AOX1: variants seen among roughly 807,000 people sequenced by gnomAD.
AOX1 encodes the protein aldehyde oxidase.
A neutral mutation model predicts 169.5 loss-of-function variants in AOX1; 153 were observed. The observed-to-expected ratio is 0.90, with a 90% confidence interval of 0.79 to 1.03. The LOEUF is 1.03. AOX1 is among the 50% of genes least tolerant of loss of function. The probability of loss-of-function intolerance (pLI) is 0.00; values close to 1 mark genes in which losing one functional copy is unlikely to be tolerated. For missense variants in AOX1, 1,656 were observed against 1,663.9 expected, an observed-to-expected ratio of 1.00 and a Z score of 0.08; for synonymous variants, 562 against 581.9, an observed-to-expected ratio of 0.97 and a Z score of 0.49.
chr2:200,595,138 A>T (rs190955836), intron 2 of AOX1, 134 bp from the exon 3 acceptor site: 2 of 491,054 alleles, frequency 4.1e-6, no homozygotes, highest in East Asian at 6.7e-5. Context: ...TAAGACATAA[A>T]CACATTATTT....
At chr2:200,594,042 A>G (rs1286666451) in intron 2 of AOX1, among the ~76,000 whole-genome samples, 2 of 152,192 alleles carry the variant, frequency 1.3e-5, no homozygotes, top group Non-Finnish European at 2.9e-5. Context: ...CAGGATGTGG[A>G]CACCAAAAAT....
At chr2:200,641,259 A>C in intron 24 of AOX1, 75 bp downstream of exon 24, 1 of 1,002,228 alleles carries the variant, frequency 1.0e-6, no homozygotes, top group Non-Finnish European at 1.6e-6. Context: ...GAAAATGCCC[A>C]ATAGTTAAGT....
At position 200,642,685 on chromosome 2, in the gene AOX1, A is replaced by C; in HGVS notation, c.2731A>C (p.Arg911=). Residue 911 remains arginine (R), a synonymous_variant, in exon 25 of 35, where the codon AGA becomes CGA. Transcript: ENST00000374700. The stretch of plus-strand genomic sequence containing the variant: ...TCTCCGCTGCCGGGGTTGGGCATGC[A>C]GAACCAACCTTCCATCCAACACAGC... ...PNLRCRGWAC[R]TNLPSNTAFR... 6.2e-7 allele frequency: 1 copy of C among 1,614,172 alleles called. No individual in the cohort carries two copies. Among genetic ancestry groups the C allele is most frequent in the Non-Finnish European group, 8.5e-7 (1 of 1,180,016 alleles).
At position 200,627,099 on chromosome 2, in the gene AOX1, A is replaced by T. The variant is rs139649816; in HGVS notation, c.2125-254A>T. ...TGGAAAATACTAGTTTCATTCTGGGATCACTTAGATGCCAGTTTTTTTCTG... is the reference window on the plus strand; with the variant it reads ...TGGAAAATACTAGTTTCATTCTGGGTTCACTTAGATGCCAGTTTTTTTCTG... On this transcript the variant is annotated intron_variant, in intron 19 of 34. Transcript: ENST00000374700. Among the ~76,000 whole-genome samples, 380 of 152,296 alleles carry T rather than the reference A, an allele frequency of 2.5e-3. 10 individuals carry two copies. The East Asian group carries it at 0.055, about 22-fold the overall frequency.
At chr2:200,647,349 T>C (rs1219966941) in intron 25 of AOX1, among the ~76,000 whole-genome samples, 1 of 152,216 alleles carries the variant, frequency 6.6e-6, no homozygotes, top group Non-Finnish European at 1.5e-5. Context: ...TATGTGATGC[T>C]TAGTTTCACT....
intron 18 of AOX1, among the ~76,000 whole-genome samples, 170 bp downstream of exon 18, chr2:200,621,416 T>G (rs918561462): frequency 3.3e-5 from 5 of 152,238 alleles, no homozygotes; most frequent in Non-Finnish European, 5.9e-5. Flanking sequence ...ATATTCATTT[T>G]CTGTACAAGT....
downstream of AOX1, among the ~76,000 whole-genome samples, chr2:200,675,677 TAATGTA>T (rs2036084522): frequency 6.6e-6 from 1 of 152,090 alleles, no homozygotes; most frequent in South Asian, 2.1e-4. Context: ...AAAAACAATG[TAATGTA>T]AATCAATAGA....
At chr2:200,663,529 C>CACACACAT (rs2035866531) in intron 31 of AOX1, among the ~76,000 whole-genome samples, 1 of 149,540 alleles carries the variant, frequency 6.7e-6, no homozygotes, top group South Asian at 2.1e-4. Context: ...TGAAGAGATA[C>CACACACAT]ACACACATAC....
intron 20 of AOX1, 59 bp from the exon 21 acceptor site, chr2:200,634,732 G>C (rs2035196195): frequency 3.7e-6 from 6 of 1,602,076 alleles, no homozygotes; most frequent in Non-Finnish European, 5.1e-6. Context: ...TAATACCTGG[G>C]GGACGCTACC....
chr2:200,605,616 C>A lies in AOX1; in HGVS notation c.895C>A (p.His299Asn). The change falls in exon 10 of 35, where the codon CAT becomes AAT. Residue 299 changes from histidine (H) to asparagine (N), a missense_variant. Transcript: ENST00000374700. ...AATTGAAGAACTGAGTGTTGTAAACCATGCATATAATGGTGAGTTCTCAAG... is the reference window on the plus strand; with the variant it reads ...AATTGAAGAACTGAGTGTTGTAAACAATGCATATAATGGTGAGTTCTCAAG... The part of the protein sequence containing the change: ...DRIEELSVVN[H>N]AYNGLTLGAG... 6.5e-7 allele frequency: 1 copy of A among 1,532,594 alleles called. No homozygotes were observed. The highest frequency in any genetic ancestry group is 8.8e-7 in the Non-Finnish European group (1 of 1,137,150). 94.9% of individuals were successfully genotyped at this position (1,532,594 alleles called of 1,614,324 possible).
chr2:200,600,636 T>A lies in AOX1; in HGVS notation c.436+890T>A, dbSNP rs376964287. ...CTAGAGAACATGAGCCTAAAGCTCA[T>A]ATGTACACTTACTCTGCAAAAATGT... is the stretch of plus-strand genomic sequence containing the variant. On this transcript the variant is annotated intron_variant, in intron 5 of 34. Coordinates refer to ENST00000374700, the MANE Select transcript of AOX1 (RefSeq NM_001159.4). 3.3e-5 allele frequency among the ~76,000 whole-genome samples: 5 copies of A among 152,260 alleles called. No individual in the cohort carries two copies. In the East Asian group the frequency reaches 9.7e-4, roughly 29 times the overall value.
At chr2:200,612,357 G>A (rs184594925) in intron 13 of AOX1, among the ~76,000 whole-genome samples, 2 of 152,278 alleles carry the variant, frequency 1.3e-5, no homozygotes, top group East Asian at 3.9e-4. Flanking sequence ...CACACACTGG[G>A]TGGCCTCAAC....
chr2:200,670,263 A>G (rs956507537), intron 34 of AOX1, among the ~76,000 whole-genome samples: 3 of 152,176 alleles, frequency 2.0e-5, no homozygotes, highest in Non-Finnish European at 4.4e-5. Context: ...GAAGAAAGTC[A>G]TACTGTTCAC....
At chr2:200,670,586 A>C in intron 34 of AOX1, 43 bp from the exon 35 acceptor site, 5 of 1,567,048 alleles carry the variant, frequency 3.2e-6, no homozygotes, top group Non-Finnish European at 4.4e-6. Flanking sequence ...CTAAGTCACA[A>C]ACATTTCCCA....
At chr2:200,667,545 T>C (rs902221840) in intron 32 of AOX1, among the ~76,000 whole-genome samples, 3 of 138,332 alleles carry the variant, frequency 2.2e-5, no homozygotes, top group African/African-American at 8.1e-5. Context: ...AGGAAGTGGG[T>C]GTGAACCAGG....
At chr2:200,617,889 T>C (rs767983072) in intron 16 of AOX1, among the ~76,000 whole-genome samples, 3 of 152,212 alleles carry the variant, frequency 2.0e-5, no homozygotes, top group Non-Finnish European at 4.4e-5. Flanking sequence ...CTGCAACATA[T>C]GAAAAACCAC....
In AOX1 at chr2:200,622,080, A is replaced by G. The variant is rs551067098; in HGVS notation, c.2001+834A>G. 1.3e-4 allele frequency among the ~76,000 whole-genome samples: 20 copies of G among 152,352 alleles called. No individual in the cohort carries two copies. In the East Asian group the frequency reaches 1.7e-3, roughly 13 times the overall value. ...ATGGGATTTTTAAAAGTGAGCATCT[A>G]TGATGTCTGGTCACCATAGCTGAAC... On this transcript the variant is annotated intron_variant, in intron 18 of 34. Coordinates refer to ENST00000374700, the MANE Select transcript of AOX1 (RefSeq NM_001159.4).
At chr2:200,600,949 G>A (rs2470897) in intron 5 of AOX1, among the ~76,000 whole-genome samples, 88,976 of 151,696 alleles carry the variant, frequency 0.59, 26,092 homozygotes, top group East Asian at 0.73. Context: ...TCGCACTGTG[G>A]GAGAAACGCT....
At chr2:200,669,889 T>C (rs2035994342) in intron 34 of AOX1, 147 bp downstream of exon 34, 1 of 789,264 alleles carries the variant, frequency 1.3e-6, no homozygotes, top group African/African-American at 1.7e-5. Flanking sequence ...TGAGCAGATG[T>C]GCAGAGGGGT....
Sources: gnomAD v4.1 joint callset for allele counts (sites outside exome capture counted in the v4.1 genomes callset) on GRCh38, gnomAD v4.1.1 for gene constraint, MANE v1.5 for transcripts, NCBI Gene and HGNC (gene_info 2026-07-23, HGNC 2026-07-21) for gene names.